Variants in FBXL17 observed in about 807,000 individuals in gnomAD.
FBXL17 encodes the protein F-box/LRR-repeat protein 17.
In FBXL17, 22 loss-of-function variants were observed where a neutral mutation model predicts 66.2. The observed-to-expected ratio is 0.33, with a 90% CI of 0.24 to 0.47. FBXL17 has a LOEUF of 0.47. Ranked by LOEUF, FBXL17 falls within the 20% of genes least tolerant of loss-of-function variation. The pLI is 1.00. For missense variants in FBXL17, 878 were observed against 948.2 expected (o/e 0.93, Z 0.97); for synonymous variants, 474 against 400.5 (o/e 1.18, Z -2.19).
chr5:108,356,983 T>G (rs539701033), intron 3 of FBXL17, among the ~76,000 whole-genome samples: 1 of 151,974 alleles, frequency 6.6e-6, no homozygotes, highest in Non-Finnish European at 1.5e-5. Context: ...AACTCCTCTT[T>G]TAAAGGCTTT....
chr5:108,050,386 A>T (rs1357112480), intron 6 of FBXL17, among the ~76,000 whole-genome samples: 1 of 152,216 alleles, frequency 6.6e-6, no homozygotes, highest in Non-Finnish European at 1.5e-5. Flanking sequence ...AGTGCAATCA[A>T]ATTAGAACTC....
rs373679985 is a variant in FBXL17, at chr5:108,009,194, C to CATATAT, written c.1822+11725_1822+11730dup. 4.1e-3 allele frequency among the ~76,000 whole-genome samples: 224 copies of CATATAT among 54,086 alleles called. 3 individuals carry two copies. Among genetic ancestry groups the CATATAT allele is most frequent in the African/African-American group, 0.011 (155 of 14,360 alleles). The allele number at this position is 54,086 out of a possible 152,430, so 35.5% of individuals were successfully genotyped here. On this transcript the variant is annotated intron_variant, in intron 7 of 8. Transcript: ENST00000542267. ...GTATGAACATAGTTCATTTGAAAAG[C>CATATAT]ATATATATATATATATATATATATA...
chr5:107,915,433 C>G (rs1750096456), intron 7 of FBXL17, among the ~76,000 whole-genome samples: 1 of 152,044 alleles, frequency 6.6e-6, no homozygotes, highest in South Asian at 2.1e-4. Flanking sequence ...GAACGTTTTC[C>G]CAGACTGGGT....
At chr5:107,941,024 T>A (rs1270159284) in intron 7 of FBXL17, among the ~76,000 whole-genome samples, 4 of 151,978 alleles carry the variant, frequency 2.6e-5, no homozygotes, top group South Asian at 4.1e-4. Context: ...ACATCTGCCA[T>A]ACAAACAGCA....
chr5:108,113,401 T>C (rs1379833570), intron 6 of FBXL17, among the ~76,000 whole-genome samples: 1 of 152,112 alleles, frequency 6.6e-6, no homozygotes, highest in Non-Finnish European at 1.5e-5. Flanking sequence ...AAAAAAACAA[T>C]TTTTCCAACA....
At position 108,193,421 on chromosome 5, in the gene FBXL17, A is replaced by T. The variant is rs1468834353; in HGVS notation, c.1615-7174T>A. ...TCTTGAAGTATAAAAGTAGAAAAAA[A>T]GTAAAGAAACTAAGACTGCTGGGAA... On this transcript the variant is annotated intron_variant, in intron 5 of 8. Coordinates refer to ENST00000542267, the MANE Select transcript of FBXL17 (RefSeq NM_001163315.3). Among the ~76,000 whole-genome samples the T allele has an allele frequency of 2.0e-5, 3 of 152,176 alleles. No individual in the cohort carries two copies. In the East Asian group the frequency reaches 5.8e-4, roughly 29 times the overall value.
intron 4 of FBXL17, among the ~76,000 whole-genome samples, chr5:108,249,202 G>C (rs1756239607): frequency 6.6e-6 from 1 of 151,896 alleles, no homozygotes; most frequent in African/African-American, 2.4e-5. Flanking sequence ...CCTTGGCCTA[G>C]AGACCTGTCT....
At chr5:108,043,128 T>A (rs1393887934) in intron 6 of FBXL17, among the ~76,000 whole-genome samples, 1 of 152,230 alleles carries the variant, frequency 6.6e-6, no homozygotes, top group Non-Finnish European at 1.5e-5. Context: ...GTTAGTCATT[T>A]GTCAGATACA....
chr5:108,182,071 T>G (rs1184129629), intron 6 of FBXL17, among the ~76,000 whole-genome samples: 1 of 152,176 alleles, frequency 6.6e-6, no homozygotes, highest in African/African-American at 2.4e-5. Flanking sequence ...TTTCGTCCCC[T>G]CGATCCTTAC....
intron 4 of FBXL17, among the ~76,000 whole-genome samples, chr5:108,228,900 C>G (rs1218403899): frequency 6.6e-6 from 1 of 152,122 alleles, no homozygotes; most frequent in Non-Finnish European, 1.5e-5. Context: ...GAGTTGCACA[C>G]AAGAATCACC....
At chr5:108,141,508 T>G (rs1751349324) in intron 6 of FBXL17, among the ~76,000 whole-genome samples, 1 of 152,248 alleles carries the variant, frequency 6.6e-6, no homozygotes. Flanking sequence ...TAAGCCATTG[T>G]AGGACCTAAA....
intron 4 of FBXL17, among the ~76,000 whole-genome samples, chr5:108,284,934 T>C (rs923083353): frequency 6.6e-6 from 1 of 151,876 alleles, no homozygotes; most frequent in African/African-American, 2.4e-5. Context: ...TGTTTGATCA[T>C]ATTTTACCCA....
intron 4 of FBXL17, among the ~76,000 whole-genome samples, chr5:108,270,916 C>T (rs902435995): frequency 1.7e-4 from 26 of 151,970 alleles, no homozygotes; most frequent in African/African-American, 5.8e-4. Context: ...AATTCTCCTC[C>T]AAAAGTCCAT....
intron 6 of FBXL17, among the ~76,000 whole-genome samples, chr5:108,155,540 G>A (rs1751962465): frequency 6.6e-6 from 1 of 151,924 alleles, no homozygotes; most frequent in Non-Finnish European, 1.5e-5. Context: ...TTTTAGTTGT[G>A]GGCTCTACAA....
At chr5:108,226,762 A>G (rs1755118561) in intron 4 of FBXL17, among the ~76,000 whole-genome samples, 1 of 152,210 alleles carries the variant, frequency 6.6e-6, no homozygotes, top group South Asian at 2.1e-4. Context: ...AAGTCAGTGT[A>G]ACGGAGAATT....
chr5:107,997,984 G>T lies in FBXL17; in HGVS notation c.1822+22941C>A, dbSNP rs139987893. Among the ~76,000 whole-genome samples the T allele has an allele frequency of 4.6e-3, 706 of 152,286 alleles. 6 individuals are homozygous for T. Among genetic ancestry groups the T allele is most frequent in the African/African-American group, 0.014 (584 of 41,566 alleles). ...TAACACTACAGAAGGTTATTCTAGA[G>T]CTACACTGTCCAAAGACACACATGG... On this transcript the variant is annotated intron_variant, in intron 7 of 8. Transcript: ENST00000542267.
At chr5:107,963,655 ATACT>A (rs1384912012) in intron 7 of FBXL17, among the ~76,000 whole-genome samples, 4 of 152,130 alleles carry the variant, frequency 2.6e-5, no homozygotes. Flanking sequence ...AGTATGTAAA[ATACT>A]TAATAGTATA....
chr5:108,291,535 T>C (rs1259924112), intron 4 of FBXL17, among the ~76,000 whole-genome samples: 2 of 152,244 alleles, frequency 1.3e-5, no homozygotes, highest in East Asian at 3.8e-4. Context: ...AAGTTCTAAA[T>C]TCTCCTTATT....
chr5:107,871,033 G>T (rs921679460), intron 8 of FBXL17, among the ~76,000 whole-genome samples: 1 of 110,164 alleles, frequency 9.1e-6, no homozygotes, highest in Non-Finnish European at 1.8e-5. Context: ...TCATACAGAG[G>T]TAAGAAATAT....
Sources: allele counts gnomAD v4.1 joint callset (sites outside exome capture counted in the v4.1 genomes callset), GRCh38; gene constraint gnomAD v4.1.1; transcripts MANE v1.5; gene names NCBI Gene and HGNC (gene_info 2026-07-23, HGNC 2026-07-21).